The following USP32 variants were observed in gnomAD, a reference collection of about 807,000 sequenced individuals.
USP32 encodes ubiquitin carboxyl-terminal hydrolase 32.
A neutral mutation model predicts 204.8 loss-of-function variants in USP32; 59 were observed. The observed-to-expected ratio is 0.29, with a 90% CI of 0.23 to 0.36. USP32 has a LOEUF of 0.36. Among genes scored for constraint, USP32 ranks in the 10% least tolerant of loss-of-function variants. The pLI, the probability that USP32 is intolerant of heterozygous loss-of-function variation, is 1.00. For missense variants in USP32, 1,160 were observed against 1,946.4 expected, an observed-to-expected ratio of 0.60 and a Z score of 7.60; for synonymous variants, 517 against 678.4, an observed-to-expected ratio of 0.76 and a Z score of 3.70.
At chr17:60,412,961 C>T (rs755534102) in intron 1 of USP32, among the ~76,000 whole-genome samples, 7 of 152,040 alleles carry the variant, frequency 4.6e-5, no homozygotes, top group Non-Finnish European at 7.4e-5. Context: ...TCTAAAGTTC[C>T]GAGGTTGCCA....
chr17:60,349,626 ATATATATATATATATAT>A (rs1175950810), intron 1 of USP32, among the ~76,000 whole-genome samples: 31 of 76,276 alleles, frequency 4.1e-4, no homozygotes, highest in Middle Eastern at 6.1e-3. Flanking sequence ...TATATATATT[ATATATATATATATATAT>A]TATATATATA....
At chr17:60,242,473 T>A (rs1025420711) in intron 11 of USP32, among the ~76,000 whole-genome samples, 1 of 152,150 alleles carries the variant, frequency 6.6e-6, no homozygotes, top group African/African-American at 2.4e-5. Flanking sequence ...TGTAGTGGCA[T>A]GGTCTCAGCT....
chr17:60,179,485 C>T, intron 33 of USP32, 57 bp from the exon 34 acceptor site: 2 of 1,591,544 alleles, frequency 1.3e-6, no homozygotes, highest in Non-Finnish European at 1.7e-6. Context: ...GCTCTAAATC[C>T]TTGCCAGGAA....
intron 3 of USP32, among the ~76,000 whole-genome samples, chr17:60,296,318 T>A (rs1029489279): frequency 6.6e-6 from 1 of 152,140 alleles, no homozygotes; most frequent in Non-Finnish European, 1.5e-5. Context: ...TATAATCAAG[T>A]TAAGATGAGG....
At chr17:60,254,769 T>C (rs191463211) in intron 10 of USP32, among the ~76,000 whole-genome samples, 16 of 152,280 alleles carry the variant, frequency 1.1e-4, no homozygotes, top group Admixed American at 4.6e-4. Context: ...TTATGATTCA[T>C]CTTTCTGGTC....
At chr17:60,349,498 G>A (rs2088867447) in intron 1 of USP32, among the ~76,000 whole-genome samples, 1 of 145,262 alleles carries the variant, frequency 6.9e-6, no homozygotes. Flanking sequence ...GAGGATTGAG[G>A]AGGCAAAGGT....
At chr17:60,266,473 CAG>C (rs1250621130) in intron 7 of USP32, among the ~76,000 whole-genome samples, 2 of 152,038 alleles carry the variant, frequency 1.3e-5, no homozygotes, top group East Asian at 3.9e-4. Context: ...CTGATCATTG[CAG>C]AGTTGTTTCT....
At chr17:60,200,691 C>G (rs1253242096) in intron 26 of USP32, among the ~76,000 whole-genome samples, 4 of 152,186 alleles carry the variant, frequency 2.6e-5, no homozygotes, top group African/African-American at 9.6e-5. Flanking sequence ...ATCACAAATT[C>G]TCCCTTCCTC....
intron 11 of USP32, chr17:60,249,498 G>A (rs745568771): frequency 2.1e-6 from 1 of 466,564 alleles, no homozygotes; most frequent in African/African-American, 2.0e-5. Context: ...CCCCAAGCTG[G>A]TGATGTCAGT....
chr17:60,374,221 GCCTA>G, intron 1 of USP32, among the ~76,000 whole-genome samples: 1 of 151,596 alleles, frequency 6.6e-6, no homozygotes, highest in Non-Finnish European at 1.5e-5. Flanking sequence ...ACACACCTTA[GCCTA>G]GGCCTACACA....
intron 11 of USP32, among the ~76,000 whole-genome samples, chr17:60,251,785 C>T (rs2086176387): frequency 6.6e-6 from 1 of 151,758 alleles, no homozygotes; most frequent in Admixed American, 6.6e-5. Context: ...AAAATTGGTC[C>T]AATATGCTTA....
At chr17:60,399,680 G>A (rs1272591490) in intron 1 of USP32, among the ~76,000 whole-genome samples, 1 of 151,800 alleles carries the variant, frequency 6.6e-6, no homozygotes, top group African/African-American at 2.4e-5. Context: ...AAATAAATAA[G>A]TAAAAGTAAA....
At chr17:60,352,047 C>G (rs1265766059) in intron 1 of USP32, among the ~76,000 whole-genome samples, 2 of 151,992 alleles carry the variant, frequency 1.3e-5, no homozygotes, top group African/African-American at 2.4e-5. Flanking sequence ...AAATGGAGTA[C>G]AGGGTATAAG....
chr17:60,326,197 A>T (rs1054461925), intron 2 of USP32, among the ~76,000 whole-genome samples: 1 of 152,008 alleles, frequency 6.6e-6, no homozygotes, highest in African/African-American at 2.4e-5. Context: ...AAAACAGGTG[A>T]TGCATTTCCT....
At chr17:60,418,348 C>T in intron 1 of USP32, among the ~76,000 whole-genome samples, 1 of 151,722 alleles carries the variant, frequency 6.6e-6, no homozygotes, top group East Asian at 1.9e-4. Flanking sequence ...CCGCTTTGGC[C>T]TCCCAAAGTG....
chr17:60,422,349 C>G, exon 1 of USP32: 1 of 994,060 alleles, frequency 1.0e-6, no homozygotes, highest in East Asian at 3.4e-5. Context: ...CGACCCCGCA[C>G]ATCTTGCTCC....
chr17:60,197,344 C>T (rs538961788), intron 27 of USP32, among the ~76,000 whole-genome samples: 1 of 152,292 alleles, frequency 6.6e-6, no homozygotes, highest in South Asian at 2.1e-4. Flanking sequence ...GTGGCTCACG[C>T]CTGTAATCCC....
chr17:60,234,390 G>A (rs2085658698), intron 12 of USP32, among the ~76,000 whole-genome samples: 1 of 150,938 alleles, frequency 6.6e-6, no homozygotes, highest in South Asian at 2.1e-4. Flanking sequence ...TGGGATTACA[G>A]GTGTGAGCCA....
At chr17:60,227,135 C>G (rs934656041) in intron 12 of USP32, among the ~76,000 whole-genome samples, 4 of 149,178 alleles carry the variant, frequency 2.7e-5, no homozygotes, top group Admixed American at 2.0e-4. Flanking sequence ...TTCATATTTT[C>G]TCTATTTCTC....
Sources: gnomAD v4.1 joint callset for allele counts (sites outside exome capture counted in the v4.1 genomes callset) on GRCh38, gnomAD v4.1.1 for gene constraint, MANE v1.5 for transcripts, NCBI Gene and HGNC (gene_info 2026-07-23, HGNC 2026-07-21) for gene names.